Variants in CACNA2D1 observed in about 807,000 individuals in gnomAD.
The protein encoded by CACNA2D1 is calcium voltage-gated channel auxiliary subunit alpha2delta 1.
A neutral mutation model predicts 171.5 loss-of-function variants in CACNA2D1; 53 were observed. That is an observed-to-expected ratio of 0.31 (90% CI 0.25 to 0.39). The LOEUF is 0.39. Ranked by LOEUF, CACNA2D1 falls within the 10% of genes least tolerant of loss-of-function variation. The pLI is 1.00. For missense variants in CACNA2D1, 903 were observed against 1,299.8 expected, an observed-to-expected ratio of 0.69 and a Z score of 4.69; for synonymous variants, 442 against 443.1, an observed-to-expected ratio of 1.00 and a Z score of 0.03.
At position 82,443,397 on chromosome 7, in the gene CACNA2D1, G is replaced by A. The variant is rs746712870; in HGVS notation, c.63C>T (p.Pro21=). 3.1e-6 allele frequency: 5 copies of A among 1,605,780 alleles called. No individual in the cohort carries two copies. The highest frequency in any genetic ancestry group is 2.2e-5 in the South Asian group (2 of 90,314). ...LTLFQSLLIG[P]SSEEPFPSAV... is the part of the protein sequence containing the mutation. ...CCGAAGGGAACGGCTCCTCCGACGA[G>A]GGGCCGATGAGCAAAGATTGGAAAA... Residue 21 remains proline, a synonymous_variant, in exon 1 of 39, where the codon CCC becomes CCT. Coordinates refer to ENST00000356860, the MANE Select transcript of CACNA2D1 (RefSeq NM_000722.4).
intron 3 of CACNA2D1, among the ~76,000 whole-genome samples, chr7:82,198,446 G>A (rs1799068474): frequency 6.6e-6 from 1 of 152,012 alleles, no homozygotes; most frequent in East Asian, 1.9e-4. Flanking sequence ...TGATTTCTTT[G>A]CTGCATGTTA....
intron 6 of CACNA2D1, among the ~76,000 whole-genome samples, chr7:82,111,292 GTATATA>G (rs113362103): frequency 0.2 from 24,482 of 120,344 alleles, 2,511 homozygotes; most frequent in East Asian, 0.37. Flanking sequence ...ATATGTCTGG[GTATATA>G]TATATATATA....
chr7:82,443,194 G>T (rs564580860), intron 1 of CACNA2D1, among the ~76,000 whole-genome samples, 171 bp downstream of exon 1: 8 of 151,830 alleles, frequency 5.3e-5, no homozygotes, highest in Non-Finnish European at 1.0e-4. Flanking sequence ...GCATTCCAGC[G>T]GCGAGCGGCG....
In CACNA2D1 at chr7:81,946,794, A is replaced by G. The variant is rs1020561403; in HGVS notation, c.*3598T>C. ...CACAAGACAGTATCCCATTAGTTTC[A>G]GTGGAATTTGAGATAACTGTGTGAA... is the stretch of plus-strand genomic sequence containing the variant. On this transcript the variant is annotated 3_prime_UTR_variant, in exon 39 of 39. Transcript: ENST00000356860. The G allele has an allele frequency of 6.6e-6, 1 of 152,084 alleles. No homozygotes were observed. The highest frequency in any genetic ancestry group is 2.4e-5 in the African/African-American group (1 of 41,432). 9.4% of individuals were successfully genotyped at this position (152,084 alleles called of 1,614,324 possible).
intron 2 of CACNA2D1, among the ~76,000 whole-genome samples, chr7:82,345,515 A>G (rs1819139604): frequency 6.6e-6 from 1 of 152,226 alleles, no homozygotes; most frequent in East Asian, 1.9e-4. Flanking sequence ...AGAAAGCTTC[A>G]TAACAACAAT....
At chr7:81,974,411 TA>T in intron 25 of CACNA2D1, 43 bp downstream of exon 25, 1 of 942,598 alleles carries the variant, frequency 1.1e-6, no homozygotes, top group Non-Finnish European at 1.7e-6. Context: ...TATAAACCAA[TA>T]GAACCACACT....
rs545278442 is a variant in CACNA2D1, at chr7:82,196,533, G to T, written c.295-25924C>A. On this transcript the variant is annotated intron_variant, in intron 3 of 38. Transcript: ENST00000356860. ...GGAAAAAGATTCAAGAAATACTAAGGAAGGAGAATTGAGATGATTTAGGCT... is the reference window on the plus strand; with the variant it reads ...GGAAAAAGATTCAAGAAATACTAAGTAAGGAGAATTGAGATGATTTAGGCT... Among the ~76,000 whole-genome samples the T allele has an allele frequency of 5.3e-5, 8 of 152,120 alleles. No homozygotes were observed. In the East Asian group the frequency reaches 1.5e-3, roughly 29 times the overall value.
At chr7:82,172,452 T>C (rs1022266440) in intron 3 of CACNA2D1, among the ~76,000 whole-genome samples, 7 of 144,760 alleles carry the variant, frequency 4.8e-5, no homozygotes, top group Non-Finnish European at 8.9e-5. Flanking sequence ...TGAAGGCTTT[T>C]TCTTTTTTTC....
Position 82,443,771 on chromosome 7 carries a change from T to G in CACNA2D1, c.-312A>C. The stretch of plus-strand genomic sequence containing the variant: ...GGCGAGCCCGCCGGCGCTCGCGCGC[T>G]CTCGCTCTCCCTCTCGGTTTCCTCC... On this transcript the variant is annotated 5_prime_UTR_variant, in exon 1 of 39. Transcript: ENST00000356860. The G allele has an allele frequency of 9.3e-7, 1 of 1,078,412 alleles. No homozygotes were observed. The highest frequency in any genetic ancestry group is 1.2e-6 in the Non-Finnish European group (1 of 848,914). The allele number at this position is 1,078,412 out of a possible 1,614,324, so 66.8% of individuals were successfully genotyped here.
At chr7:82,419,791 T>A (rs1477675197) in intron 1 of CACNA2D1, among the ~76,000 whole-genome samples, 1 of 152,176 alleles carries the variant, frequency 6.6e-6, no homozygotes, top group Admixed American at 6.5e-5. Context: ...GAAACATGTA[T>A]CATGGGTCAA....
intron 3 of CACNA2D1, among the ~76,000 whole-genome samples, chr7:82,217,544 T>C: frequency 6.7e-6 from 1 of 148,720 alleles, no homozygotes; most frequent in Non-Finnish European, 1.5e-5. Flanking sequence ...AAATAGAAAA[T>C]GTCAAGTAGA....
In CACNA2D1 at chr7:82,064,018, C is replaced by T. The variant is rs189764784; in HGVS notation, c.779+286G>A. Reference sequence around the variant, plus strand: ...GAACTACAGGTGTGAAGCTACCATGCCCGAACAAGTTCCAACATTAACTTA... The same window carrying T: ...GAACTACAGGTGTGAAGCTACCATGTCCGAACAAGTTCCAACATTAACTTA... On this transcript the variant is annotated intron_variant, in intron 9 of 38. Transcript: ENST00000356860. 5.3e-5 allele frequency among the ~76,000 whole-genome samples: 8 copies of T among 151,974 alleles called. No individual in the cohort carries two copies. The East Asian group carries it at 1.4e-3, about 26-fold the overall frequency.
intron 4 of CACNA2D1, among the ~76,000 whole-genome samples, chr7:82,166,800 A>G (rs1011707117): frequency 6.6e-6 from 1 of 152,032 alleles, no homozygotes; most frequent in African/African-American, 2.4e-5. Flanking sequence ...GACCACATAA[A>G]TCTTAATCCA....
rs1049899228 is a variant in CACNA2D1, at chr7:82,012,001, A to G, written c.1362+153T>C. 4 of 656,110 alleles carry G rather than the reference A, an allele frequency of 6.1e-6. No individual in the cohort carries two copies. The East Asian group carries it at 1.1e-4, about 18-fold the overall frequency. 40.6% of individuals were successfully genotyped at this position (656,110 alleles called of 1,614,324 possible). The stretch of plus-strand genomic sequence containing the variant: ...ACATACGAGTCTATGTTTTTATGTA[A>G]ATTATATAAATTCTAGGAAAGAAGT... On this transcript the variant is annotated intron_variant, in intron 15 of 38. Transcript: ENST00000356860.
chr7:82,389,937 G>C (rs1824902192), intron 1 of CACNA2D1, among the ~76,000 whole-genome samples: 2 of 152,134 alleles, frequency 1.3e-5, no homozygotes, highest in Non-Finnish European at 2.9e-5. Flanking sequence ...CGTGTTCTTT[G>C]TGTTGTTACT....
chr7:81,974,308 T>C (rs563677682), intron 25 of CACNA2D1, 147 bp downstream of exon 25: 6 of 528,616 alleles, frequency 1.1e-5, no homozygotes, highest in South Asian at 5.1e-5. Context: ...AAATTAAGGA[T>C]CAAATTGTTA....
At chr7:82,387,745 G>T (rs1333428314) in intron 1 of CACNA2D1, among the ~76,000 whole-genome samples, 1 of 152,074 alleles carries the variant, frequency 6.6e-6, no homozygotes, top group Non-Finnish European at 1.5e-5. Flanking sequence ...CATTAGAATA[G>T]CTTAAGTGTT....
intron 4 of CACNA2D1, among the ~76,000 whole-genome samples, chr7:82,141,460 A>G (rs570682306): frequency 6.6e-6 from 1 of 152,284 alleles, no homozygotes. Context: ...TTCTCCCTTA[A>G]CCCAGTCTCC....
At chr7:82,070,716 G>A (rs796140093) in intron 7 of CACNA2D1, among the ~76,000 whole-genome samples, 25 of 152,278 alleles carry the variant, frequency 1.6e-4, no homozygotes, top group African/African-American at 6.0e-4. Context: ...AAAAAGGTGG[G>A]AGAAATGTAG....
Sources: gnomAD v4.1 joint callset for allele counts (sites outside exome capture counted in the v4.1 genomes callset) on GRCh38, gnomAD v4.1.1 for gene constraint, MANE v1.5 for transcripts, NCBI Gene and HGNC (gene_info 2026-07-23, HGNC 2026-07-21) for gene names.